Variants in TENM1 observed in about 807,000 individuals in gnomAD.
The protein encoded by TENM1 is teneurin-1.
In TENM1, 35 loss-of-function variants were observed where a neutral mutation model predicts 174.8. The ratio of observed to expected loss-of-function variants is 0.20; its 90% CI spans 0.15 to 0.27. The LOEUF (loss-of-function observed/expected upper bound fraction) is 0.27, where lower values mean the gene tolerates loss of function less well. Among genes scored for constraint, TENM1 ranks in the 10% least tolerant of loss-of-function variants. The probability of loss-of-function intolerance (pLI) is 1.00; values close to 1 mark genes in which losing one functional copy is unlikely to be tolerated. For missense variants in TENM1, 1,633 were observed against 2,130.1 expected (o/e 0.77, Z 4.59); for synonymous variants, 781 against 798.7 (o/e 0.98, Z 0.37).
At chrX:125,078,502 A>G in the TENM1 span, among the ~76,000 whole-genome samples, 1 of 111,395 alleles carries the variant, frequency 9.0e-6, no homozygotes, top group Non-Finnish European at 1.9e-5. Flanking sequence ...TAGGTACTTG[A>G]GAAATAGGTG....
Position 124,422,634 on chromosome X carries a change from C to T in TENM1, c.4109G>A (p.Arg1370Gln), listed in dbSNP as rs2060667272. 7 of 1,204,442 alleles carry T rather than the reference C, an allele frequency of 5.8e-6. No homozygotes were observed. The highest frequency in any genetic ancestry group is 3.6e-5 in the South Asian group (2 of 56,172). Reference sequence around the variant, plus strand: ...TGCAAGGTCTGTTGGCCACTCTAATCGCACCTGTGAAACGAACAGAACACA... The same window carrying T: ...TGCAAGGTCTGTTGGCCACTCTAATTGCACCTGTGAAACGAACAGAACACA... The change falls in exon 24 of 32, where the codon CGA becomes CAA. Residue 1370 changes from arginine to glutamine, a missense_variant. By Grantham distance (43) the Arg-to-Gln change is conservative. Coordinates refer to ENST00000422452, the Ensembl canonical transcript of TENM1.
intron 20 of TENM1, among the ~76,000 whole-genome samples, chrX:124,492,451 A>T (rs2047089109): frequency 1.8e-5 from 2 of 111,315 alleles, no homozygotes; most frequent in South Asian, 7.5e-4. Context: ...TCCACAAATT[A>T]TATGTACAAT....
At chrX:124,674,780 A>G (rs1458844651) in intron 5 of TENM1, among the ~76,000 whole-genome samples, 2 of 110,985 alleles carry the variant, frequency 1.8e-5, no homozygotes, top group Non-Finnish European at 3.8e-5. Context: ...AATTTGGTCT[A>G]CTCTGCCTCC....
intron 3 of TENM1, among the ~76,000 whole-genome samples, chrX:124,767,219 CTT>C (rs1383916637): frequency 1.8e-5 from 2 of 111,394 alleles, no homozygotes; most frequent in Non-Finnish European, 3.8e-5. Flanking sequence ...GAATGGAAGT[CTT>C]TTAGGCAATG....
intron 18 of TENM1, among the ~76,000 whole-genome samples, chrX:124,509,108 C>T (rs2047521508): frequency 9.0e-6 from 1 of 111,129 alleles, no homozygotes; most frequent in South Asian, 3.8e-4. Context: ...CACACACACA[C>T]ACAAACACAA....
chrX:124,988,081 T>A, the TENM1 span, among the ~76,000 whole-genome samples: 838 of 111,569 alleles, frequency 7.5e-3, 6 homozygotes, highest in African/African-American at 0.026. Flanking sequence ...CCTTTTGTAG[T>A]AATTCGGGAA....
At chrX:124,874,770 G>A (rs1043478585) in intron 3 of TENM1, among the ~76,000 whole-genome samples, 2 of 110,723 alleles carry the variant, frequency 1.8e-5, no homozygotes, top group Non-Finnish European at 3.8e-5. Context: ...CTACATAATT[G>A]TCTCAACACT....
chrX:124,582,652 T>C (rs2049353258), intron 11 of TENM1, among the ~76,000 whole-genome samples: 2 of 111,856 alleles, frequency 1.8e-5, no homozygotes, highest in African/African-American at 6.5e-5. Context: ...GATACTGGGT[T>C]CATCTCACTA....
chrX:124,505,463 A>C (rs750244236), intron 18 of TENM1, among the ~76,000 whole-genome samples: 1 of 111,594 alleles, frequency 9.0e-6, no homozygotes, highest in Admixed American at 9.6e-5. Flanking sequence ...TACTGTCTAC[A>C]GTCTCCCTGG....
the TENM1 span, among the ~76,000 whole-genome samples, chrX:125,055,494 T>G: frequency 9.8e-5 from 11 of 111,894 alleles, no homozygotes; most frequent in Admixed American, 8.6e-4. Flanking sequence ...GAAGGGCAGA[T>G]GTCATCTACT....
the TENM1 span, among the ~76,000 whole-genome samples, chrX:125,089,494 T>G: frequency 8.9e-6 from 1 of 112,048 alleles, no homozygotes; most frequent in African/African-American, 3.2e-5. Flanking sequence ...CTGTATGGTT[T>G]GGCACACAGT....
chrX:124,600,084 C>T (rs2049994179), intron 11 of TENM1, among the ~76,000 whole-genome samples: 1 of 109,818 alleles, frequency 9.1e-6, no homozygotes, highest in African/African-American at 3.3e-5. Context: ...TACCTCTGTT[C>T]ACCATGAGGG....
At chrX:125,042,676 GA>G in the TENM1 span, among the ~76,000 whole-genome samples, 9 of 111,347 alleles carry the variant, frequency 8.1e-5, no homozygotes, top group South Asian at 3.4e-3. Context: ...GCAGTTTGGA[GA>G]GGAAAAAAAG....
At chrX:124,985,945 G>C in the TENM1 span, among the ~76,000 whole-genome samples, 1 of 111,042 alleles carries the variant, frequency 9.0e-6, no homozygotes, top group Non-Finnish European at 1.9e-5. Flanking sequence ...TGGTGGTGGG[G>C]GAGACAAAAT....
chrX:124,849,912 C>T (rs897525011), intron 3 of TENM1, among the ~76,000 whole-genome samples: 2 of 111,881 alleles, frequency 1.8e-5, no homozygotes, highest in African/African-American at 6.5e-5. Flanking sequence ...CAAATGCAGA[C>T]ACCTGAACTC....
intron 15 of TENM1, among the ~76,000 whole-genome samples, chrX:124,542,182 G>C (rs1225371121): frequency 8.9e-6 from 1 of 112,409 alleles, no homozygotes; most frequent in Non-Finnish European, 1.9e-5. Flanking sequence ...TCTGACCCAT[G>C]GACACATGAA....
chrX:125,120,223 A>G, the TENM1 span, among the ~76,000 whole-genome samples: 2 of 111,754 alleles, frequency 1.8e-5, no homozygotes, highest in Non-Finnish European at 3.8e-5. Context: ...TTTACCGTAA[A>G]CAACTTTATA....
chrX:125,171,269 GA>G, the TENM1 span, among the ~76,000 whole-genome samples: 60 of 105,030 alleles, frequency 5.7e-4, no homozygotes, highest in Admixed American at 1.5e-3. Flanking sequence ...TAAAGGTCCA[GA>G]AAAAAAAAAT....
chrX:124,843,045 A>G (rs2056534184), intron 3 of TENM1, among the ~76,000 whole-genome samples: 1 of 110,971 alleles, frequency 9.0e-6, no homozygotes, highest in African/African-American at 3.3e-5. Context: ...TCAAGCATGA[A>G]CAAACCCGCA....
Sources: gnomAD v4.1 joint callset for allele counts (sites outside exome capture counted in the v4.1 genomes callset) on GRCh38, gnomAD v4.1.1 for gene constraint, MANE v1.5 for transcripts, NCBI Gene and HGNC (gene_info 2026-07-23, HGNC 2026-07-21) for gene names.